ARK2N: variants seen among roughly 807,000 people sequenced by gnomAD.
The protein encoded by ARK2N is protein ARK2N.
chr18:46,194,066 C>A, the ARK2N span, among the ~76,000 whole-genome samples: 1 of 152,094 alleles, frequency 6.6e-6, no homozygotes, highest in South Asian at 2.1e-4. Flanking sequence ...TGCAAAGGCT[C>A]ACTGCCACAT....
chr18:46,202,077 C>T, the ARK2N span, among the ~76,000 whole-genome samples: 5 of 152,076 alleles, frequency 3.3e-5, no homozygotes. Flanking sequence ...CATGCCTGGC[C>T]TAGATCTAGT....
the ARK2N span, among the ~76,000 whole-genome samples, chr18:46,241,136 T>G: frequency 8.5e-5 from 13 of 152,386 alleles, no homozygotes; most frequent in South Asian, 4.1e-4. Flanking sequence ...CTTTTTATAT[T>G]GAGACAGAAC....
chr18:46,202,660 T>G, the ARK2N span, among the ~76,000 whole-genome samples: 1 of 150,106 alleles, frequency 6.7e-6, no homozygotes. Flanking sequence ...TAGTGGCGGG[T>G]GCCTGTAATC....
chr18:46,265,383 A>G, the ARK2N span: 1 of 152,706 alleles, frequency 6.5e-6, no homozygotes, highest in East Asian at 1.9e-4. Context: ...TATTTTCTTC[A>G]TAGTCCCTAA....
At chr18:46,240,483 A>G in the ARK2N span, among the ~76,000 whole-genome samples, 3 of 152,206 alleles carry the variant, frequency 2.0e-5, no homozygotes, top group African/African-American at 7.2e-5. Flanking sequence ...ATTTGCAAAA[A>G]TGACCCAGAT....
the ARK2N span, among the ~76,000 whole-genome samples, chr18:46,199,962 T>C: frequency 3.3e-5 from 5 of 152,176 alleles, no homozygotes; most frequent in African/African-American, 1.2e-4. Context: ...TTTCTTGCTC[T>C]CTCCTACTTG....
chr18:46,180,265 T>C, the ARK2N span, among the ~76,000 whole-genome samples: 5 of 152,234 alleles, frequency 3.3e-5, no homozygotes, highest in Admixed American at 2.6e-4. Context: ...AAAACCTACC[T>C]AAATGAGTAT....
chr18:46,196,947 T>G, the ARK2N span, among the ~76,000 whole-genome samples: 2 of 152,160 alleles, frequency 1.3e-5, no homozygotes, highest in African/African-American at 4.8e-5. Flanking sequence ...GGAGCAATCC[T>G]AGAGAGAGAA....
At chr18:46,254,147 T>C in the ARK2N span, among the ~76,000 whole-genome samples, 1 of 152,226 alleles carries the variant, frequency 6.6e-6, no homozygotes, top group Non-Finnish European at 1.5e-5. Flanking sequence ...CTTTTTTCTC[T>C]CACGTTTATA....
chr18:46,197,544 C>G, the ARK2N span, among the ~76,000 whole-genome samples: 1,825 of 152,274 alleles, frequency 0.012, 24 homozygotes, highest in Non-Finnish European at 0.017. Context: ...AAAGTCTTCT[C>G]TCTTTACAGC....
chr18:46,264,132 T>G, the ARK2N span: 1 of 152,516 alleles, frequency 6.6e-6, no homozygotes, highest in African/African-American at 2.4e-5. Flanking sequence ...CTCCTCTACC[T>G]TCTAAAAAAA....
chr18:46,194,640 AT>A, the ARK2N span, among the ~76,000 whole-genome samples: 16 of 144,662 alleles, frequency 1.1e-4, no homozygotes, highest in South Asian at 2.9e-3. Context: ...TGCCTGGCTA[AT>A]TTTTTTTTAT....
chr18:46,184,540 AGT>A, the ARK2N span, among the ~76,000 whole-genome samples: 2 of 152,152 alleles, frequency 1.3e-5, no homozygotes, highest in South Asian at 4.1e-4. Context: ...TGGGTAACAT[AGT>A]GAAACTCCGT....
the ARK2N span, among the ~76,000 whole-genome samples, chr18:46,220,450 C>T: frequency 7.2e-5 from 11 of 152,140 alleles, no homozygotes; most frequent in Admixed American, 1.3e-4. Context: ...TCAGTTAACT[C>T]TTGCTTAGAA....
chr18:46,255,440 C>CT, the ARK2N span, among the ~76,000 whole-genome samples: 1 of 108,918 alleles, frequency 9.2e-6, no homozygotes, highest in African/African-American at 3.6e-5. Flanking sequence ...CTTTTCTTTT[C>CT]TTTTCTTTTT....
chr18:46,218,554 A>C, the ARK2N span: 1 of 152,188 alleles, frequency 6.6e-6, no homozygotes, highest in African/African-American at 2.4e-5. Flanking sequence ...TCTTTACTGG[A>C]ATTATGCAAA....
chr18:46,254,134 G>A, the ARK2N span, among the ~76,000 whole-genome samples: 1 of 152,140 alleles, frequency 6.6e-6, no homozygotes, highest in Non-Finnish European at 1.5e-5. Context: ...AAGTATCACT[G>A]TACTTTTTTC....
At chr18:46,195,551 C>T in the ARK2N span, among the ~76,000 whole-genome samples, 2 of 145,934 alleles carry the variant, frequency 1.4e-5, no homozygotes, top group African/African-American at 2.6e-5. Flanking sequence ...CCTTGCATCC[C>T]ACATAAACTT....
chr18:46,201,941 C>G, the ARK2N span, among the ~76,000 whole-genome samples: 1 of 151,992 alleles, frequency 6.6e-6, no homozygotes, highest in African/African-American at 2.4e-5. Flanking sequence ...TTACGCCTGG[C>G]TAATTTTTGT....
Sources: allele counts gnomAD v4.1 joint callset (sites outside exome capture counted in the v4.1 genomes callset), GRCh38; gene constraint gnomAD v4.1.1; transcripts MANE v1.5; gene names NCBI Gene and HGNC (gene_info 2026-07-23, HGNC 2026-07-21).